Variants in DLGAP2 observed in about 807,000 individuals in gnomAD.
DLGAP2 encodes the protein DLG associated protein 2.
In DLGAP2, 26 loss-of-function variants were observed where a neutral mutation model predicts 100.3. The observed-to-expected ratio is 0.26, with a 90% confidence interval of 0.19 to 0.36. The LOEUF is 0.36. DLGAP2 is among the 10% of genes least tolerant of loss of function. The pLI is 1.00. For synonymous variants in DLGAP2, 886 were observed against 630.1 expected (o/e 1.41, Z -6.08); for missense variants, 1,858 against 1,453.2 (o/e 1.28, Z -4.53).
intron 2 of DLGAP2, among the ~76,000 whole-genome samples, chr8:1,091,080 G>C (rs958029164): frequency 1.3e-5 from 2 of 152,150 alleles, no homozygotes; most frequent in African/African-American, 2.4e-5. Context: ...TCTGCGCACA[G>C]GGCTCCGGGC....
intron 3 of DLGAP2, among the ~76,000 whole-genome samples, chr8:1,297,520 ACCACG>A (rs1800212976): frequency 6.7e-4 from 97 of 145,862 alleles, no homozygotes; most frequent in African/African-American, 2.3e-3. Context: ...ATGAACAGAC[ACCACG>A]TGAGACAGGG....
Position 1,655,403 on chromosome 8 carries a change from T to A in DLGAP2, c.1811-12926T>A, listed in dbSNP as rs1798260635. On this transcript the variant is annotated intron_variant, in intron 8 of 14. Transcript: ENST00000637795. ...ATCCTTGAAGTTCTAATTAAGAGAG[T>A]GCAATGAATGCAAGTGTGGCTGTTA... is the stretch of plus-strand genomic sequence containing the variant. Among the ~76,000 whole-genome samples the A allele has an allele frequency of 5.3e-5, 8 of 152,100 alleles. 1 individual carries two copies. The South Asian group carries it at 1.5e-3, about 28-fold the overall frequency.
At chr8:1,644,940 A>G (rs1369913792) in intron 8 of DLGAP2, among the ~76,000 whole-genome samples, 2 of 152,252 alleles carry the variant, frequency 1.3e-5, no homozygotes, top group African/African-American at 4.8e-5. Context: ...AACTAGAGTG[A>G]TGCTTTTAAA....
intron 2 of DLGAP2, among the ~76,000 whole-genome samples, chr8:1,129,550 G>A (rs963440267): frequency 1.5e-4 from 23 of 152,156 alleles, no homozygotes; most frequent in Non-Finnish European, 1.5e-5. Flanking sequence ...GGGAGGAGAC[G>A]TTGATATTAT....
At chr8:1,683,380 A>T (rs1799008836) in intron 12 of DLGAP2, among the ~76,000 whole-genome samples, 1 of 151,450 alleles carries the variant, frequency 6.6e-6, no homozygotes, top group Non-Finnish European at 1.5e-5. Flanking sequence ...CTCTGGAGGA[A>T]GATCTTCATG....
At chr8:805,572 C>G (rs1451536748) in intron 1 of DLGAP2, among the ~76,000 whole-genome samples, 1 of 152,200 alleles carries the variant, frequency 6.6e-6, no homozygotes, top group Non-Finnish European at 1.5e-5. Flanking sequence ...CCCAGACCAC[C>G]TGTAGTTTCT....
At chr8:1,296,796 G>C (rs1002443509) in intron 3 of DLGAP2, among the ~76,000 whole-genome samples, 2 of 152,184 alleles carry the variant, frequency 1.3e-5, no homozygotes, top group Non-Finnish European at 2.9e-5. Flanking sequence ...CAGATGGTGT[G>C]GTGGGTGCAC....
At chr8:1,659,056 G>A (rs368148619) in intron 8 of DLGAP2, among the ~76,000 whole-genome samples, 92 of 152,222 alleles carry the variant, frequency 6.0e-4, no homozygotes, top group African/African-American at 2.1e-3. Context: ...TAAAGCATTG[G>A]TTTCAAATAA....
chr8:1,200,985 A>C (rs2116757703), intron 2 of DLGAP2, among the ~76,000 whole-genome samples: 1 of 152,260 alleles, frequency 6.6e-6, no homozygotes, highest in Middle Eastern at 3.4e-3. Flanking sequence ...TTAGGGAAAG[A>C]AGGCGCGGCT....
intron 2 of DLGAP2, among the ~76,000 whole-genome samples, chr8:1,080,060 C>T (rs1310153752): frequency 6.6e-6 from 1 of 152,212 alleles, no homozygotes; most frequent in African/African-American, 2.4e-5. Flanking sequence ...TGTCCTCAAG[C>T]GTATGATGGG....
chr8:1,361,015 G>T (rs113541149), intron 3 of DLGAP2, among the ~76,000 whole-genome samples: 2 of 152,240 alleles, frequency 1.3e-5, no homozygotes, highest in African/African-American at 4.8e-5. Flanking sequence ...TTCATCCTGA[G>T]AAGGGGAAGG....
intron 2 of DLGAP2, among the ~76,000 whole-genome samples, chr8:1,176,873 C>G (rs899303665): frequency 6.6e-6 from 1 of 152,098 alleles, no homozygotes; most frequent in African/African-American, 2.4e-5. Flanking sequence ...CAGAGAGAGC[C>G]AAGGACTAGA....
chr8:1,250,131 A>G (rs13269338), intron 2 of DLGAP2, among the ~76,000 whole-genome samples: 132,091 of 151,988 alleles, frequency 0.87, 57,556 homozygotes, highest in African/African-American at 0.93. Context: ...TGCCTGCCTC[A>G]GCCTCCCACA....
chr8:1,693,141 TAACA>T (rs1799296533), intron 13 of DLGAP2, among the ~76,000 whole-genome samples: 2 of 124,180 alleles, frequency 1.6e-5, no homozygotes, highest in South Asian at 6.2e-4. Context: ...CATTAACATA[TAACA>T]AATATATAAC....
chr8:1,472,019 T>A (rs766831873), intron 3 of DLGAP2, among the ~76,000 whole-genome samples: 1 of 152,266 alleles, frequency 6.6e-6, no homozygotes, highest in Non-Finnish European at 1.5e-5. Flanking sequence ...AGGCACTACG[T>A]TAAGGATAAA....
At chr8:1,246,170 C>T (rs73670692) in intron 2 of DLGAP2, among the ~76,000 whole-genome samples, 4,714 of 152,214 alleles carry the variant, frequency 0.031, 226 homozygotes, top group African/African-American at 0.097. Flanking sequence ...CTCCATAGCC[C>T]TTGGTCAAAT....
chr8:880,867 G>A (rs1304133953), intron 1 of DLGAP2, among the ~76,000 whole-genome samples: 2 of 152,192 alleles, frequency 1.3e-5, no homozygotes, highest in Non-Finnish European at 2.9e-5. Context: ...CCTAAATTAG[G>A]GTGGGTGCCT....
intron 6 of DLGAP2, among the ~76,000 whole-genome samples, chr8:1,601,484 C>T (rs1321556298): frequency 3.9e-5 from 6 of 152,190 alleles, no homozygotes; most frequent in African/African-American, 1.4e-4. Context: ...GCCGCCCCTT[C>T]CCCCGGGTGC....
intron 2 of DLGAP2, among the ~76,000 whole-genome samples, chr8:959,028 G>A (rs1799661193): frequency 6.6e-6 from 1 of 152,222 alleles, no homozygotes; most frequent in Admixed American, 6.5e-5. Flanking sequence ...CAAATTCAGT[G>A]AGAAGGGCAT....
Sources: gnomAD v4.1 joint callset for allele counts (sites outside exome capture counted in the v4.1 genomes callset) on GRCh38, gnomAD v4.1.1 for gene constraint, MANE v1.5 for transcripts, NCBI Gene and HGNC (gene_info 2026-07-23, HGNC 2026-07-21) for gene names.